The following THOC5 variants were observed in gnomAD, a reference collection of about 807,000 sequenced individuals.
THOC5 encodes the protein THO complex subunit 5.
A neutral mutation model predicts 92.9 loss-of-function variants in THOC5; 43 were observed. The observed-to-expected ratio is 0.46, with a 90% CI of 0.36 to 0.60. THOC5 has a LOEUF of 0.60. Among genes scored for constraint, THOC5 ranks in the 20% least tolerant of loss-of-function variants. The pLI, the probability that THOC5 is intolerant of heterozygous loss-of-function variation, is 0.00. For synonymous variants in THOC5, 296 were observed against 320.1 expected, an observed-to-expected ratio of 0.92 and a Z score of 0.80; for missense variants, 659 against 849.4, an observed-to-expected ratio of 0.78 and a Z score of 2.79.
In THOC5 at chr22:29,539,412, T is replaced by C. The variant is rs1569228706; in HGVS notation, c.517A>G (p.Ile173Val). ...EEFYKEAPPD[I>V]SKAEVTMGDP... The stretch of plus-strand genomic sequence containing the variant: ...CCCATGGTGACTTCGGCCTTGCTGA[T>C]ATCTGGTGGAGCCTCCTTATAAAAC... Residue 173 changes from isoleucine (I) to valine (V), a missense_variant, in exon 6 of 20, where the codon ATC becomes GTC. Coordinates refer to ENST00000490103, the MANE Select transcript of THOC5 (RefSeq NM_003678.5). 6.2e-7 allele frequency: 1 copy of C among 1,614,182 alleles called. No individual in the cohort carries two copies. The highest frequency in any genetic ancestry group is 1.3e-5 in the African/African-American group (1 of 75,062).
At chr22:29,549,192 G>C in intron 1 of THOC5, 34 bp from the exon 2 acceptor site, 1 of 1,595,878 alleles carries the variant, frequency 6.3e-7, no homozygotes, top group South Asian at 1.1e-5. Flanking sequence ...AGATTCTTCT[G>C]GAGTCATAAC....
At chr22:29,552,554 C>A (rs1261234618) in intron 1 of THOC5, among the ~76,000 whole-genome samples, 7 of 85,926 alleles carry the variant, frequency 8.1e-5, no homozygotes, top group Admixed American at 7.2e-4. Flanking sequence ...GCCCGGCCAG[C>A]CGCCCCGTCC....
At position 29,512,107 on chromosome 22, in the gene THOC5, G is replaced by C; in HGVS notation, c.1711C>G (p.Pro571Ala). The change falls in exon 18 of 20, where the codon CCT (proline) becomes GCT (alanine). Residue 571 changes from proline to alanine, a missense_variant. Pro to Ala is a conservative substitution (Grantham distance 27). Coordinates refer to ENST00000490103, the MANE Select transcript of THOC5 (RefSeq NM_003678.5). ...AKLQAAVVLNPGYSSIPPVFQ... is the reference protein window; with the variant it reads ...AKLQAAVVLNAGYSSIPPVFQ... ...ACAGGTGGGATGGAGGAGTAGCCAG[G>C]GTTCAACACCACAGCGGCCTGCAGT... 6.2e-7 allele frequency: 1 copy of C among 1,614,154 alleles called. No homozygotes were observed. Among genetic ancestry groups the C allele is most frequent in the Non-Finnish European group, 8.5e-7 (1 of 1,180,006 alleles).
intron 2 of THOC5, among the ~76,000 whole-genome samples, chr22:29,547,985 C>T (rs1601463772): frequency 6.6e-6 from 1 of 152,276 alleles, no homozygotes; most frequent in South Asian, 2.1e-4. Context: ...GCACTTTTTA[C>T]ATGGCGGCAG....
At chr22:29,538,776 A>C (rs1206473915) in intron 6 of THOC5, among the ~76,000 whole-genome samples, 3 of 141,880 alleles carry the variant, frequency 2.1e-5, no homozygotes, top group Admixed American at 7.3e-5. Context: ...CATCCTGAGC[A>C]ATAGAGTGAA....
At chr22:29,544,754 G>A (rs1314174176) in intron 2 of THOC5, 151 bp from the exon 3 acceptor site, 1 of 767,114 alleles carries the variant, frequency 1.3e-6, no homozygotes, top group Non-Finnish European at 1.9e-6. Flanking sequence ...TAAATTAAAT[G>A]CTTTTCTTCT....
chr22:29,519,172 G>A (rs561603256), intron 14 of THOC5, 52 bp from the exon 15 acceptor site: 25 of 1,265,052 alleles, frequency 2.0e-5, no homozygotes, highest in East Asian at 7.3e-5. Context: ...CCCTTCCTCC[G>A]GGCACCATCT....
chr22:29,548,450 G>A (rs1415781684), intron 2 of THOC5, among the ~76,000 whole-genome samples: 2 of 152,106 alleles, frequency 1.3e-5, no homozygotes, highest in Admixed American at 1.3e-4. Flanking sequence ...AGCTACTTGG[G>A]AGACTGAGGT....
intron 7 of THOC5, chr22:29,534,569 C>T (rs1157155348): frequency 2.0e-5 from 3 of 148,418 alleles, no homozygotes; most frequent in South Asian, 2.1e-4. Flanking sequence ...TTTCTTGACT[C>T]GGGAAAGACT....
At chr22:29,531,680 C>A in intron 8 of THOC5, 151 bp downstream of exon 8, 1 of 1,448,798 alleles carries the variant, frequency 6.9e-7, no homozygotes, top group Non-Finnish European at 9.1e-7. Flanking sequence ...AGCAGCCATG[C>A]TGGGCAATGC....
chr22:29,523,999 G>C lies in THOC5; in HGVS notation c.1175+1839C>G, dbSNP rs747021266. On this transcript the variant is annotated intron_variant, in intron 12 of 19. Coordinates refer to ENST00000490103, the MANE Select transcript of THOC5 (RefSeq NM_003678.5). ...CCCAGAGTCTCGGGCTTTAGGTCCA[G>C]TGCTGCGATAATTGGTTGTATGCTC... 3.3e-5 allele frequency among the ~76,000 whole-genome samples: 5 copies of C among 152,356 alleles called. No homozygotes were observed. The East Asian group carries it at 7.7e-4, about 24-fold the overall frequency.
intron 12 of THOC5, 21 bp from the exon 13 acceptor site, chr22:29,521,120 AGCAGTG>A: frequency 6.4e-7 from 1 of 1,568,182 alleles, no homozygotes; most frequent in Non-Finnish European, 8.8e-7. Context: ...AAAAACAGTA[AGCAGTG>A]AGAATGCAGC....
chr22:29,545,845 G>A (rs1249134297), intron 2 of THOC5, among the ~76,000 whole-genome samples: 1 of 152,210 alleles, frequency 6.6e-6, no homozygotes, highest in Non-Finnish European at 1.5e-5. Flanking sequence ...TCTAGGGTCT[G>A]AAGGGACGGT....
chr22:29,519,403 T>C (rs1444241626), intron 14 of THOC5, among the ~76,000 whole-genome samples: 1 of 152,196 alleles, frequency 6.6e-6, no homozygotes, highest in African/African-American at 2.4e-5. Context: ...TCATGCCTCA[T>C]ATTTGGTACT....
intron 2 of THOC5, among the ~76,000 whole-genome samples, chr22:29,546,042 CA>C (rs2146559737): frequency 6.6e-6 from 1 of 152,386 alleles, no homozygotes; most frequent in South Asian, 2.1e-4. Flanking sequence ...TCCCAAACCT[CA>C]ATTCTTGACT....
rs182069703 is a variant in THOC5, at chr22:29,529,151, C to T, written c.925+11G>A. Reference sequence around the variant, plus strand: ...GTGTCCCTGGGGGACGAATCCCAACCACCACATTACCTTGGGAGTCCTCTG... The same window carrying T: ...GTGTCCCTGGGGGACGAATCCCAACTACCACATTACCTTGGGAGTCCTCTG... On this transcript the variant is annotated intron_variant, in intron 9 of 19. Coordinates refer to ENST00000490103, the MANE Select transcript of THOC5 (RefSeq NM_003678.5). The T allele has an allele frequency of 1.7e-4, 275 of 1,614,038 alleles. 1 individual carries two copies. The East Asian group carries it at 4.5e-3, about 27-fold the overall frequency.
intron 6 of THOC5, among the ~76,000 whole-genome samples, chr22:29,537,084 C>A (rs781427160): frequency 4.6e-5 from 7 of 152,256 alleles, no homozygotes; most frequent in Non-Finnish European, 1.0e-4. Context: ...TCTGTAACCA[C>A]TAGGGAATAC....
At chr22:29,524,308 T>C (rs1569216100) in intron 12 of THOC5, among the ~76,000 whole-genome samples, 1 of 152,164 alleles carries the variant, frequency 6.6e-6, no homozygotes, top group African/African-American at 2.4e-5. Flanking sequence ...GAGTCAATGA[T>C]TATAAATCAG....
chr22:29,531,408 G>A, intron 8 of THOC5: 1 of 1,000,558 alleles, frequency 1.0e-6, no homozygotes, highest in Non-Finnish European at 1.2e-6. Flanking sequence ...TCACAACAAA[G>A]ACATGCAGCC....
Sources: gnomAD v4.1 joint callset for allele counts (sites outside exome capture counted in the v4.1 genomes callset) on GRCh38, gnomAD v4.1.1 for gene constraint, MANE v1.5 for transcripts, NCBI Gene and HGNC (gene_info 2026-07-23, HGNC 2026-07-21) for gene names.